SAMD11: variants seen among roughly 807,000 people sequenced by gnomAD.
The protein encoded by SAMD11 is sterile alpha motif domain-containing protein 11.
A neutral mutation model predicts 64.4 loss-of-function variants in SAMD11; 77 were observed. The observed-to-expected ratio is 1.20, with a 90% CI of 0.99 to 1.44. SAMD11 has a LOEUF of 1.44. Ranked by LOEUF, SAMD11 falls within the 40% of genes most tolerant of loss-of-function variation. The probability of loss-of-function intolerance (pLI) is 0.00; values close to 1 mark genes in which losing one functional copy is unlikely to be tolerated. For synonymous variants in SAMD11, 658 were observed against 421.9 expected, an observed-to-expected ratio of 1.56 and a Z score of -6.86; for missense variants, 1,402 against 943.3, an observed-to-expected ratio of 1.49 and a Z score of -6.37.
chr1:928,277 AGCT>A (rs1641001910), intron 2 of SAMD11, among the ~76,000 whole-genome samples: 1 of 152,230 alleles, frequency 6.6e-6, no homozygotes, highest in Non-Finnish European at 1.5e-5. Context: ...CTGTAGTCCC[AGCT>A]ACTTGGGAGG....
At position 939,393 on chromosome 1, in the gene SAMD11, C is replaced by G. The variant is rs1557607436; in HGVS notation, c.1176C>G (p.His392Gln). 1 of 1,593,666 alleles carries G rather than the reference C, an allele frequency of 6.3e-7. No homozygotes were observed. Among genetic ancestry groups the G allele is most frequent in the Non-Finnish European group, 8.5e-7 (1 of 1,177,448 alleles). Reference protein sequence around the residue: ...STFEDPQRLYHLGLPSHDLLR... With the variant: ...STFEDPQRLYQLGLPSHDLLR... ...TTGAGGACCCTCAGCGCCTCTACCA[C>G]CTGGGCCTCCCCAGCCACGGTGAGG... The change falls in exon 7 of 14, where the codon CAC (histidine) becomes CAG (glutamine). Residue 392 changes from histidine to glutamine, a missense_variant. His to Gln is a conservative substitution (Grantham distance 24). Coordinates refer to ENST00000616016, the MANE Select transcript of SAMD11 (RefSeq NM_001385641.1).
Position 942,508 on chromosome 1 carries a change from C to A in SAMD11, c.1553+20C>A, listed in dbSNP as rs769584656. On this transcript the variant is annotated intron_variant, in intron 10 of 13. Coordinates refer to ENST00000616016, the MANE Select transcript of SAMD11 (RefSeq NM_001385641.1). ...GGCCCGGTAGGTGCGGGGAGGCGGG[C>A]GGGGCCGCGCGGCCCGGGAGGCGGC... 6.9e-7 allele frequency: 1 copy of A among 1,445,916 alleles called. No homozygotes were observed. The highest frequency in any genetic ancestry group is 9.0e-7 in the Non-Finnish European group (1 of 1,105,866). 89.6% of individuals were successfully genotyped at this position (1,445,916 alleles called of 1,614,324 possible).
In SAMD11 at chr1:941,218, T is replaced by C; in HGVS notation, c.1270T>C (p.Ser424Pro). 1.9e-6 allele frequency: 3 copies of C among 1,601,670 alleles called. No homozygotes were observed. The highest frequency in any genetic ancestry group is 2.6e-6 in the Non-Finnish European group (3 of 1,174,988). The change falls in exon 8 of 14, where the codon TCC (serine) becomes CCC (proline). Residue 424 changes from serine to proline, a missense_variant. Coordinates refer to ENST00000616016, the MANE Select transcript of SAMD11 (RefSeq NM_001385641.1). ...GPSGLEAHLP[S>P]STAGQRRKQG... ...CAGTGGCCTGGAAGCCCACCTGCCC[T>C]CCTCCACGGCAGGTCAGCGTCGGAA...
intron 2 of SAMD11, among the ~76,000 whole-genome samples, chr1:927,129 C>G (rs1310257342): frequency 2.0e-5 from 3 of 152,200 alleles, no homozygotes; most frequent in Non-Finnish European, 4.4e-5. Flanking sequence ...CACAATCCGA[C>G]ATGGACCTGC....
At chr1:926,501 C>T (rs781280319) in intron 2 of SAMD11, among the ~76,000 whole-genome samples, 5 of 152,186 alleles carry the variant, frequency 3.3e-5, no homozygotes, top group Non-Finnish European at 5.9e-5. Flanking sequence ...GTGCAAGGGC[C>T]TGGACGTCGA....
intron 8 of SAMD11, among the ~76,000 whole-genome samples, 161 bp downstream of exon 8, chr1:941,467 G>A (rs1402997685): frequency 6.6e-6 from 1 of 152,024 alleles, no homozygotes; most frequent in Non-Finnish European, 1.5e-5. Context: ...CTGGGCTGCA[G>A]TGTTGAGGGC....
Position 944,341 on chromosome 1 carries a change from G to A in SAMD11, c.*188G>A. 4.4e-6 allele frequency: 6 copies of A among 1,378,390 alleles called. No individual in the cohort carries two copies. Among genetic ancestry groups the A allele is most frequent in the Non-Finnish European group, 5.6e-6 (6 of 1,073,800 alleles). The allele number at this position is 1,378,390 out of a possible 1,614,324, so 85.4% of individuals were successfully genotyped here. ...TGGGGGAGTGAAGGCAGAGCCTGGT[G>A]CAGATGGACGAGGTCTGCAGACGGA... On this transcript the variant is annotated 3_prime_UTR_variant, in exon 14 of 14. Coordinates refer to ENST00000616016, the MANE Select transcript of SAMD11 (RefSeq NM_001385641.1).
rs201898716 is a variant in SAMD11, at chr1:939,437, C to T, written c.1195+25C>T. On this transcript the variant is annotated intron_variant, in intron 7 of 13. Transcript: ENST00000616016. ...GGTGAGGACCCACCCTGGCATGATCCCCCTCATCACCTCCCCAGCCACGGT... is the reference window on the plus strand; with the variant it reads ...GGTGAGGACCCACCCTGGCATGATCTCCCTCATCACCTCCCCAGCCACGGT... The T allele has an allele frequency of 2.2e-4, 321 of 1,434,344 alleles. 2 individuals carry two copies. Among genetic ancestry groups the T allele is most frequent in the South Asian group, 1.4e-3 (113 of 81,700 alleles). The allele number at this position is 1,434,344 out of a possible 1,614,324, so 88.9% of individuals were successfully genotyped here. A position where few individuals can be genotyped will look rare whatever the true frequency, so the allele number is the denominator to read the frequency against.
intron 8 of SAMD11, 34 bp downstream of exon 8, chr1:941,340 T>C: frequency 1.3e-6 from 2 of 1,499,096 alleles, no homozygotes; most frequent in Middle Eastern, 2.2e-4. Context: ...TGCTTGTTTC[T>C]GGGGTGCCGC....
chr1:932,435 T>G (rs1013344112), intron 4 of SAMD11, among the ~76,000 whole-genome samples: 7 of 152,206 alleles, frequency 4.6e-5, no homozygotes, highest in Non-Finnish European at 7.4e-5. Flanking sequence ...AGGATGAGTT[T>G]CTGAATCTCC....
At position 936,473 on chromosome 1, in the gene SAMD11, G is replaced by A. The variant is rs117900791; in HGVS notation, c.967+577G>A. Among the ~76,000 whole-genome samples, 35 of 152,210 alleles carry A rather than the reference G, an allele frequency of 2.3e-4. No homozygotes were observed. In the East Asian group the frequency reaches 6.2e-3, roughly 27 times the overall value. ...GGGCTCCGGGAAGGATGGGGTTCTC[G>A]GGAGGGAAGGGATCCGGCGCCTGAG... On this transcript the variant is annotated intron_variant, in intron 5 of 13. Transcript: ENST00000616016.
rs1431032533 is a variant in SAMD11 at position 942,720 on chromosome 1, C to T, written c.1715C>T (p.Ala572Val). Residue 572 changes from alanine to valine, a missense_variant, in exon 11 of 14, where the codon GCC becomes GTC. Ala to Val is a moderately conservative substitution (Grantham distance 64). Transcript: ENST00000616016. Reference sequence around the variant, plus strand: ...AACCACGGCGCGGCGCCACTGCTGGCCCTGCCCCCCCAGGGGCCCCCGGGC... The same window carrying T: ...AACCACGGCGCGGCGCCACTGCTGGTCCTGCCCCCCCAGGGGCCCCCGGGC... Reference protein sequence around the residue: ...VLNHGAAPLLALPPQGPPGSG... With the variant: ...VLNHGAAPLLVLPPQGPPGSG... 1 of 1,460,578 alleles carries T rather than the reference C, an allele frequency of 6.8e-7. No homozygotes were observed. Among genetic ancestry groups the T allele is most frequent in the Non-Finnish European group, 9.0e-7 (1 of 1,117,302 alleles). The allele number at this position is 1,460,578 out of a possible 1,614,324, so 90.5% of individuals were successfully genotyped here.
intron 2 of SAMD11, among the ~76,000 whole-genome samples, chr1:928,434 A>G (rs1641013247): frequency 6.6e-6 from 1 of 152,252 alleles, no homozygotes; most frequent in African/African-American, 2.4e-5. Context: ...AGAGGCTGTC[A>G]GAGCCTCTAA....
intron 7 of SAMD11, among the ~76,000 whole-genome samples, chr1:939,931 G>A (rs1329692132): frequency 2.6e-5 from 4 of 152,100 alleles, no homozygotes; most frequent in East Asian, 3.9e-4. Context: ...CCTTCCCCCG[G>A]GTCGGCCCTG....
In SAMD11 at chr1:944,125, C is replaced by A. The variant is rs1454966583; in HGVS notation, c.2507C>A (p.Ala836Asp). 6.3e-7 allele frequency: 1 copy of A among 1,591,616 alleles called. No individual in the cohort carries two copies. The highest frequency in any genetic ancestry group is 1.1e-5 in the South Asian group (1 of 88,586). Residue 836 changes from alanine (A) to aspartate (D), a missense_variant, in exon 14 of 14, where the codon GCC (alanine) becomes GAC (aspartate). Physicochemically the swap from Ala to Asp is moderately radical, Grantham distance 126 (BLOSUM62 -2). Transcript: ENST00000616016. ...GGGACCTTGGCTCTACTTCCAGGGG[C>A]CCCCGACCCTTCCCAGCCTCTGTGT... is the stretch of plus-strand genomic sequence containing the variant. ...ENGTLALLPG[A>D]PDPSQPLC
chr1:929,575 G>GGC (rs1017922168), intron 2 of SAMD11, among the ~76,000 whole-genome samples: 29 of 152,332 alleles, frequency 1.9e-4, no homozygotes, highest in African/African-American at 6.5e-4. Context: ...GGGTGTGGTG[G>GGC]GCAGAAGGGT....
At chr1:925,343 G>A (rs1198062242) in intron 1 of SAMD11, among the ~76,000 whole-genome samples, 1 of 150,164 alleles carries the variant, frequency 6.7e-6, no homozygotes, top group Non-Finnish European at 1.5e-5. Flanking sequence ...CGGCGGGGGA[G>A]GCTGCGGGGC....
rs79599208 is a variant in SAMD11 at position 928,220 on chromosome 1, G to A, written c.610-1935G>A. Among the ~76,000 whole-genome samples, 655 of 148,430 alleles carry A rather than the reference G, an allele frequency of 4.4e-3. 2 individuals carry two copies. The highest frequency in any genetic ancestry group is 0.01 in the Middle Eastern group (3 of 292). On this transcript the variant is annotated intron_variant, in intron 2 of 13. Coordinates refer to ENST00000616016, the MANE Select transcript of SAMD11 (RefSeq NM_001385641.1). Reference sequence around the variant, plus strand: ...CATCCTGACTAACACGGTGAAACCCGTCTCTACTAAAAATACAAAAAATTA... The same window carrying A: ...CATCCTGACTAACACGGTGAAACCCATCTCTACTAAAAATACAAAAAATTA...
At chr1:943,519 A>AC in intron 12 of SAMD11, 142 bp downstream of exon 12, 1 of 839,198 alleles carries the variant, frequency 1.2e-6, no homozygotes, top group Non-Finnish European at 1.7e-6. Context: ...TGGACTGTGC[A>AC]CCCCACCTTT....
Sources: gnomAD v4.1 joint callset for allele counts (sites outside exome capture counted in the v4.1 genomes callset) on GRCh38, gnomAD v4.1.1 for gene constraint, MANE v1.5 for transcripts, NCBI Gene and HGNC (gene_info 2026-07-23, HGNC 2026-07-21) for gene names.